The following ARNT variants were observed in gnomAD, a reference collection of about 807,000 sequenced individuals.
The protein encoded by ARNT is aryl hydrocarbon receptor nuclear translocator.
A neutral mutation model predicts 105.0 loss-of-function variants in ARNT; 30 were observed. That is an observed-to-expected ratio of 0.29 (90% confidence interval 0.21 to 0.39). The LOEUF (loss-of-function observed/expected upper bound fraction) is 0.39. Ranked by LOEUF, ARNT falls within the 10% of genes least tolerant of loss-of-function variation. ARNT has a pLI of 1.00. For synonymous variants in ARNT, 304 were observed against 344.0 expected (o/e 0.88, Z 1.29); for missense variants, 748 against 978.7 (o/e 0.76, Z 3.15).
At chr1:150,840,685 GGA>G (rs753741524) in intron 5 of ARNT, among the ~76,000 whole-genome samples, 2 of 152,196 alleles carry the variant, frequency 1.3e-5, no homozygotes, top group Non-Finnish European at 2.9e-5. Flanking sequence ...GGAGTGGAAT[GGA>G]GAGGAGGATG....
chr1:150,872,881 G>A (rs1557978810), intron 1 of ARNT, among the ~76,000 whole-genome samples: 1 of 152,138 alleles, frequency 6.6e-6, no homozygotes, highest in Non-Finnish European at 1.5e-5. Context: ...AGGATCACAT[G>A]CTCCCAGAAG....
At chr1:150,857,575 A>C (rs1404037851) in intron 2 of ARNT, among the ~76,000 whole-genome samples, 1 of 152,210 alleles carries the variant, frequency 6.6e-6, no homozygotes, top group Non-Finnish European at 1.5e-5. Flanking sequence ...AATTAGCTGC[A>C]CAATTTTTAA....
At chr1:150,851,221 C>G (rs1349867960) in intron 3 of ARNT, among the ~76,000 whole-genome samples, 2 of 148,388 alleles carry the variant, frequency 1.3e-5, no homozygotes, top group African/African-American at 5.0e-5. Flanking sequence ...CCCGGCCAGC[C>G]GCCCCATCCG....
intron 2 of ARNT, among the ~76,000 whole-genome samples, chr1:150,855,585 G>T (rs1553223192): frequency 6.6e-6 from 1 of 151,768 alleles, no homozygotes; most frequent in Non-Finnish European, 1.5e-5. Flanking sequence ...TAAAAATTAT[G>T]TTTATATAGA....
intron 4 of ARNT, among the ~76,000 whole-genome samples, chr1:150,843,773 A>G (rs587726728): frequency 1.5e-4 from 23 of 152,336 alleles, no homozygotes; most frequent in African/African-American, 5.5e-4. Context: ...CTAACCAGGC[A>G]TGGTGGCTAT....
chr1:150,826,837 G>A (rs748251027), intron 12 of ARNT, among the ~76,000 whole-genome samples: 1 of 151,876 alleles, frequency 6.6e-6, no homozygotes, highest in Non-Finnish European at 1.5e-5. Context: ...AATAGAGACA[G>A]GGTTTCACCA....
rs145785563 is a variant in ARNT, at chr1:150,837,885, C to G, written c.487-1392G>C. Among the ~76,000 whole-genome samples the G allele has an allele frequency of 5.3e-5, 8 of 152,108 alleles. No homozygotes were observed. In the East Asian group the frequency reaches 1.5e-3, roughly 29 times the overall value. ...AAAAAAAAAAACCTGCCGTGCTCTT[C>G]CAATATTCTTAACAGCATCCTCCTA... On this transcript the variant is annotated intron_variant, in intron 6 of 21. Transcript: ENST00000358595.
chr1:150,873,059 C>A (rs1003779576), intron 1 of ARNT, among the ~76,000 whole-genome samples: 1 of 151,646 alleles, frequency 6.6e-6, no homozygotes, highest in Non-Finnish European at 1.5e-5. Flanking sequence ...CCGAGGCAGG[C>A]GGATCACAAG....
intron 14 of ARNT, among the ~76,000 whole-genome samples, chr1:150,818,623 C>T (rs970794596): frequency 2.0e-5 from 3 of 151,982 alleles, no homozygotes; most frequent in Non-Finnish European, 4.4e-5. Context: ...TGGTGGCGGG[C>T]TCCTGTAGTC....
chr1:150,814,304 C>A (rs1327551319), intron 19 of ARNT, 65 bp from the exon 20 acceptor site: 16 of 1,502,776 alleles, frequency 1.1e-5, no homozygotes, highest in African/African-American at 1.4e-5. Context: ...CATACCATGC[C>A]TATGAGAGTC....
chr1:150,828,298 T>G (rs190247486), intron 12 of ARNT, among the ~76,000 whole-genome samples: 319 of 151,798 alleles, frequency 2.1e-3, no homozygotes, highest in African/African-American at 7.3e-3. Flanking sequence ...TTTTTGTAAA[T>G]TGTATGAGGT....
chr1:150,864,770 A>AAAT (rs1553227542), intron 1 of ARNT, among the ~76,000 whole-genome samples: 46 of 79,418 alleles, frequency 5.8e-4, no homozygotes, highest in South Asian at 2.0e-3. Context: ...AATAAAAAAT[A>AAAT]AATAAATAAA....
At chr1:150,838,659 AT>A (rs1487753066) in intron 6 of ARNT, among the ~76,000 whole-genome samples, 1 of 152,058 alleles carries the variant, frequency 6.6e-6, no homozygotes, top group Admixed American at 6.5e-5. Context: ...ACTGAAGTAA[AT>A]TTTTTTCTTC....
At chr1:150,829,366 G>GA (rs914029997) in intron 11 of ARNT, 139 bp from the exon 12 acceptor site, 905 of 893,048 alleles carry the variant, frequency 1.0e-3, no homozygotes, top group Non-Finnish European at 1.2e-3. Flanking sequence ...ATCCAAAAAG[G>GA]AAAAAAAAAT....
intron 8 of ARNT, among the ~76,000 whole-genome samples, chr1:150,833,509 A>G (rs1299567510): frequency 6.6e-6 from 1 of 152,120 alleles, no homozygotes; most frequent in Admixed American, 6.5e-5. Context: ...TAAATAAATA[A>G]AAATAAAAAT....
At chr1:150,850,713 G>A (rs1663218324) in intron 3 of ARNT, among the ~76,000 whole-genome samples, 1 of 152,240 alleles carries the variant, frequency 6.6e-6, no homozygotes, top group South Asian at 2.1e-4. Flanking sequence ...CCCCGTCTGG[G>A]AAGTGAGGAG....
At chr1:150,838,328 T>A (rs587626110) in intron 6 of ARNT, among the ~76,000 whole-genome samples, 1 of 152,334 alleles carries the variant, frequency 6.6e-6, no homozygotes, top group South Asian at 2.1e-4. Context: ...GCACTTCTAT[T>A]ATAGAACTAG....
intron 3 of ARNT, among the ~76,000 whole-genome samples, chr1:150,850,978 C>T (rs143887202): frequency 0.33 from 47,583 of 145,610 alleles, 7,501 homozygotes; most frequent in South Asian, 0.5. Flanking sequence ...GCAGCCGCCC[C>T]GTCTGAGAAT....
chr1:150,836,221 G>A (rs1314006278), intron 7 of ARNT, 59 bp downstream of exon 7: 3 of 1,545,606 alleles, frequency 1.9e-6, no homozygotes, highest in African/African-American at 1.4e-5. Context: ...CATCTCTTAA[G>A]TCTCAGGAAA....
Sources: allele counts gnomAD v4.1 joint callset (sites outside exome capture counted in the v4.1 genomes callset), GRCh38; gene constraint gnomAD v4.1.1; transcripts MANE v1.5; gene names NCBI Gene and HGNC (gene_info 2026-07-23, HGNC 2026-07-21).